Variants in CPNE8 observed in about 807,000 individuals in gnomAD.
CPNE8 encodes copine 8.
CPNE8 carries 45 observed loss-of-function variants against 81.5 expected under a neutral mutation model. The ratio of observed to expected loss-of-function variants is 0.55; its 90% CI spans 0.44 to 0.71. The LOEUF (loss-of-function observed/expected upper bound fraction) is 0.71, where lower values mean the gene tolerates loss of function less well. CPNE8 is among the 30% of genes least tolerant of loss of function. The pLI is 0.00. For synonymous variants in CPNE8, 252 were observed against 226.3 expected, an observed-to-expected ratio of 1.11 and a Z score of -1.02; for missense variants, 594 against 672.1, an observed-to-expected ratio of 0.88 and a Z score of 1.28.
intron 5 of CPNE8, among the ~76,000 whole-genome samples, chr12:38,839,377 C>A (rs1048148825): frequency 6.6e-6 from 1 of 151,888 alleles, no homozygotes; most frequent in Non-Finnish European, 1.5e-5. Context: ...GAGGAATAGA[C>A]CAAAGGAGGG....
chr12:38,843,004 C>T (rs1943498955), intron 4 of CPNE8, among the ~76,000 whole-genome samples: 1 of 152,170 alleles, frequency 6.6e-6, no homozygotes, highest in Non-Finnish European at 1.5e-5. Flanking sequence ...ACAATGTATA[C>T]GTGTACCTGT....
chr12:38,798,457 T>C (rs1411931104), intron 6 of CPNE8, among the ~76,000 whole-genome samples: 4 of 151,890 alleles, frequency 2.6e-5, no homozygotes, highest in Non-Finnish European at 5.9e-5. Flanking sequence ...CTAAGCTTCA[T>C]AAGTGAAGGA....
chr12:38,805,339 T>A (rs1225082390), intron 6 of CPNE8, among the ~76,000 whole-genome samples: 1 of 18,864 alleles, frequency 5.3e-5, no homozygotes, highest in African/African-American at 1.9e-4. Context: ...CCATAAAAAA[T>A]GATGAGTTCA....
chr12:38,664,966 G>A (rs1487046002), intron 19 of CPNE8, among the ~76,000 whole-genome samples: 1 of 152,022 alleles, frequency 6.6e-6, no homozygotes, highest in East Asian at 1.9e-4. Context: ...TTAAAAAAAA[G>A]TCACTAGCCT....
At chr12:38,656,128 AC>A (rs1158032360) in intron 19 of CPNE8, among the ~76,000 whole-genome samples, 2 of 151,944 alleles carry the variant, frequency 1.3e-5, no homozygotes, top group African/African-American at 2.4e-5. Context: ...AACAAAAAAA[AC>A]AAATTGAGGT....
Position 38,874,525 on chromosome 12 carries a change from CAG to C in CPNE8, c.99-16_99-15del, listed in dbSNP as rs1944040113. On this transcript the variant is annotated splice_polypyrimidine_tract_variant and intron_variant, in intron 1 of 19. Transcript: ENST00000331366. ...TCAAGAAGATTTCTGTTGAATAAAA[CAG>C]AAAATGTTAGCTGGATATAAAAGCA... 4 of 1,594,774 alleles carry C rather than the reference CAG, an allele frequency of 2.5e-6. No homozygotes were observed. Among genetic ancestry groups the C allele is most frequent in the South Asian group, 2.2e-5 (2 of 89,420 alleles).
At chr12:38,697,306 A>T (rs1321177500) in intron 14 of CPNE8, among the ~76,000 whole-genome samples, 1 of 152,298 alleles carries the variant, frequency 6.6e-6, no homozygotes, top group East Asian at 1.9e-4. Flanking sequence ...CACTTAGCTT[A>T]TAGATCTCAA....
At chr12:38,880,990 C>T (rs1394888865) in intron 1 of CPNE8, among the ~76,000 whole-genome samples, 1 of 152,016 alleles carries the variant, frequency 6.6e-6, no homozygotes, top group Non-Finnish European at 1.5e-5. Context: ...ACGGGTGGAT[C>T]ACGAGGTCAG....
intron 12 of CPNE8, among the ~76,000 whole-genome samples, 165 bp from the exon 13 acceptor site, chr12:38,723,998 T>C (rs978759625): frequency 6.6e-6 from 1 of 152,184 alleles, no homozygotes; most frequent in East Asian, 1.9e-4. Context: ...TTTTAAATTA[T>C]CTGAAGGAAA....
rs769858371 is a variant in CPNE8 at position 38,762,209 on chromosome 12, T to C, written c.583A>G (p.Ile195Val). ...TTGACAACTTCTGTCTTGTGACAAA[T>C]TGTAAAACTATAAAGAAAGAGTTTT... is the stretch of plus-strand genomic sequence containing the variant. ...YRSNEDGSFT[I>V]CHKTEVVKNT... Residue 195 changes from isoleucine (I) to valine (V), a missense_variant, in exon 9 of 20, where the codon ATT becomes GTT. Physicochemically the swap from Ile to Val is conservative, Grantham distance 29. Coordinates refer to ENST00000331366, the MANE Select transcript of CPNE8 (RefSeq NM_153634.3). 6 of 1,570,886 alleles carry C rather than the reference T, an allele frequency of 3.8e-6. No homozygotes were observed. The Admixed American group carries it at 9.1e-5, about 24-fold the overall frequency.
chr12:38,685,761 AAAAT>A, intron 15 of CPNE8, 144 bp from the exon 16 acceptor site: 2 of 655,208 alleles, frequency 3.1e-6, no homozygotes, highest in South Asian at 4.2e-5. Context: ...CAATAGCAAA[AAAAT>A]AATACATTAA....
At chr12:38,685,465 A>C in intron 16 of CPNE8, 25 bp downstream of exon 16, 1 of 1,608,564 alleles carries the variant, frequency 6.2e-7, no homozygotes. Flanking sequence ...CATCAGAATA[A>C]GCACCTTGTC....
chr12:38,717,081 T>C (rs8181763), intron 13 of CPNE8, among the ~76,000 whole-genome samples: 16,040 of 151,742 alleles, frequency 0.11, 1,060 homozygotes, highest in East Asian at 0.25. Context: ...ATTAAAACCA[T>C]GATGAGATAC....
Position 38,684,540 on chromosome 12 carries a change from T to C in CPNE8, c.1271+950A>G, listed in dbSNP as rs117636614. 2.1e-4 allele frequency among the ~76,000 whole-genome samples: 32 copies of C among 151,934 alleles called. No homozygotes were observed. The East Asian group carries it at 4.5e-3, about 21-fold the overall frequency. ...GTATCACTGTCAACCTGAGTTGGAG[T>C]TCCACAGGGAAGTTGCACTGGGGTC... On this transcript the variant is annotated intron_variant, in intron 16 of 19. Transcript: ENST00000331366.
chr12:38,844,280 C>T (rs1177293666), intron 4 of CPNE8, among the ~76,000 whole-genome samples: 1 of 152,126 alleles, frequency 6.6e-6, no homozygotes, highest in Admixed American at 6.6e-5. Context: ...GAATTATCCT[C>T]TATCTGGCAC....
chr12:38,875,349 T>C (rs548273038), intron 1 of CPNE8, among the ~76,000 whole-genome samples: 1 of 152,318 alleles, frequency 6.6e-6, no homozygotes, highest in South Asian at 2.1e-4. Flanking sequence ...TATAAAATTA[T>C]GATTTAAAGC....
In CPNE8 at chr12:38,677,514, G is replaced by A. The variant is rs2136650387; in HGVS notation, c.1312C>T (p.Leu438Phe). The A allele has an allele frequency of 6.2e-7, 1 of 1,612,404 alleles. No homozygotes were observed. The highest frequency in any genetic ancestry group is 8.5e-7 in the Non-Finnish European group (1 of 1,178,896). ...ATAACACCATCTGTAACAATCAGAAGCACAAAATACTGGGAGCCATCCTTT... is the reference window on the plus strand; with the variant it reads ...ATAACACCATCTGTAACAATCAGAAACACAAAATACTGGGAGCCATCCTTT... The part of the protein sequence containing the change: ...SVKDGSQYFV[L>F]LIVTDGVISD... Residue 438 changes from leucine (L) to phenylalanine (F), a missense_variant, in exon 17 of 20, where the codon CTT becomes TTT. Coordinates refer to ENST00000331366, the MANE Select transcript of CPNE8 (RefSeq NM_153634.3).
intron 3 of CPNE8, among the ~76,000 whole-genome samples, chr12:38,869,986 A>G (rs557607497): frequency 6.6e-6 from 1 of 152,366 alleles, no homozygotes; most frequent in East Asian, 1.9e-4. Flanking sequence ...ATATTAATAA[A>G]GCCCCAAAAA....
In CPNE8 at chr12:38,839,902, A is replaced by C. The variant is rs1234891011; in HGVS notation, c.330+14T>G. The stretch of plus-strand genomic sequence containing the variant: ...GTATTATAATGTTATAAAAACATAA[A>C]AATATGAACTTACATGTTTGGATAA... On this transcript the variant is annotated intron_variant, in intron 5 of 19. Transcript: ENST00000331366. 7 of 1,563,782 alleles carry C rather than the reference A, an allele frequency of 4.5e-6. No individual in the cohort carries two copies. Among genetic ancestry groups the C allele is most frequent in the Non-Finnish European group, 6.1e-6 (7 of 1,146,846 alleles).
Sources: allele counts gnomAD v4.1 joint callset (sites outside exome capture counted in the v4.1 genomes callset), GRCh38; gene constraint gnomAD v4.1.1; transcripts MANE v1.5; gene names NCBI Gene and HGNC (gene_info 2026-07-23, HGNC 2026-07-21).